AGAP1: variants seen among roughly 807,000 people sequenced by gnomAD.
AGAP1 encodes the protein arf-GAP with GTPase, ANK repeat and PH domain-containing protein 1.
A neutral mutation model predicts 105.3 loss-of-function variants in AGAP1; 29 were observed. The ratio of observed to expected loss-of-function variants is 0.28; its 90% confidence interval spans 0.21 to 0.38. The LOEUF is 0.38. Among genes scored for constraint, AGAP1 ranks in the 10% least tolerant of loss-of-function variants. The pLI, the probability that AGAP1 is intolerant of heterozygous loss-of-function variation, is 1.00. For synonymous variants in AGAP1, 509 were observed against 485.9 expected (o/e 1.05, Z -0.63); for missense variants, 998 against 1,165.1 (o/e 0.86, Z 2.09).
chr2:235,853,976 T>G (rs546885293), intron 9 of AGAP1, among the ~76,000 whole-genome samples: 1 of 152,044 alleles, frequency 6.6e-6, no homozygotes, highest in South Asian at 2.1e-4. Flanking sequence ...AATTCCAAGT[T>G]TTTAATGAAG....
intron 16 of AGAP1, among the ~76,000 whole-genome samples, chr2:236,052,480 T>A (rs2125720186): frequency 6.6e-6 from 1 of 152,262 alleles, no homozygotes; most frequent in East Asian, 1.9e-4. Flanking sequence ...CCTGCACCCC[T>A]GATTAGGGCA....
chr2:235,648,865 T>C (rs191476069), intron 1 of AGAP1, among the ~76,000 whole-genome samples: 1 of 149,678 alleles, frequency 6.7e-6, no homozygotes, highest in East Asian at 2.0e-4. Context: ...CCAGTCTAAG[T>C]GACAAAGCGA....
chr2:235,925,174 G>A (rs774952616), intron 11 of AGAP1, among the ~76,000 whole-genome samples: 7 of 152,128 alleles, frequency 4.6e-5, no homozygotes, highest in South Asian at 2.1e-4. Flanking sequence ...GTATTTGCGC[G>A]TGACTTGAGG....
At position 235,879,329 on chromosome 2, in the gene AGAP1, C is replaced by T. The variant is rs1460525384; in HGVS notation, c.1051-4016C>T. On this transcript the variant is annotated intron_variant, in intron 9 of 17. Transcript: ENST00000304032. The surrounding 1 kb of genome is among the most constrained non-coding windows in gnomAD (Gnocchi z 5.0). Reference sequence around the variant, plus strand: ...CACAGCCATGACATGGCAAGCGGGGCAGCCAAGTGGCTCTTGGTCGCCACA... The same window carrying T: ...CACAGCCATGACATGGCAAGCGGGGTAGCCAAGTGGCTCTTGGTCGCCACA... Among the ~76,000 whole-genome samples, 2 of 152,196 alleles carry T rather than the reference C, an allele frequency of 1.3e-5. No individual in the cohort carries two copies. The highest frequency in any genetic ancestry group is 2.9e-5 in the Non-Finnish European group (2 of 68,030).
Position 236,092,511 on chromosome 2 carries a change from G to C in AGAP1, c.2115-27681G>C, listed in dbSNP as rs140432476. Among the ~76,000 whole-genome samples, 485 of 152,172 alleles carry C rather than the reference G, an allele frequency of 3.2e-3. 2 individuals carry two copies. The highest frequency in any genetic ancestry group is 4.5e-3 in the Non-Finnish European group (307 of 68,016). On this transcript the variant is annotated intron_variant, in intron 16 of 17. Transcript: ENST00000304032. The surrounding 1 kb of genome is among the most constrained non-coding windows in gnomAD (Gnocchi z 4.7). ...GGGTTCAAGCAATTCTCCTGCCTCAGCCTCCCGAGTAAGCTGGGATTACAG... is the reference window on the plus strand; with the variant it reads ...GGGTTCAAGCAATTCTCCTGCCTCACCCTCCCGAGTAAGCTGGGATTACAG...
At chr2:235,768,241 T>C (rs187011376) in intron 6 of AGAP1, among the ~76,000 whole-genome samples, 1 of 152,368 alleles carries the variant, frequency 6.6e-6, no homozygotes, top group East Asian at 1.9e-4. Context: ...TGAGAAATTG[T>C]AGCATCTCAT....
At position 235,889,630 on chromosome 2, in the gene AGAP1, A is replaced by G. The variant is rs989931146; in HGVS notation, c.1155+6181A>G. Reference sequence around the variant, plus strand: ...AGACCAGTAATCCCTAGTTCCTTTGACTTGCAGCTCAGCCTCACTCTGTCC... The same window carrying G: ...AGACCAGTAATCCCTAGTTCCTTTGGCTTGCAGCTCAGCCTCACTCTGTCC... On this transcript the variant is annotated intron_variant, in intron 10 of 17. Coordinates refer to ENST00000304032, the MANE Select transcript of AGAP1 (RefSeq NM_001037131.3). The surrounding 1 kb of genome is among the most constrained non-coding windows in gnomAD (Gnocchi z 4.6). Among the ~76,000 whole-genome samples the G allele has an allele frequency of 6.7e-6, 1 of 148,916 alleles. No homozygotes were observed. The highest frequency in any genetic ancestry group is 6.7e-5 in the Admixed American group (1 of 14,826).
chr2:235,882,324 G>T lies in AGAP1; in HGVS notation c.1051-1021G>T. ...GCTCTTCCTCCACATCACAACTGGGGTCTTAAGGATGACGAGGGCAGGAAA... is the reference window on the plus strand; with the variant it reads ...GCTCTTCCTCCACATCACAACTGGGTTCTTAAGGATGACGAGGGCAGGAAA... On this transcript the variant is annotated intron_variant, in intron 9 of 17. Coordinates refer to ENST00000304032, the MANE Select transcript of AGAP1 (RefSeq NM_001037131.3). This position sits in a 1 kb window ranked among gnomAD's most constrained non-coding sequence, Gnocchi z 4.6. 1 of 913,780 alleles carries T rather than the reference G, an allele frequency of 1.1e-6. No individual in the cohort carries two copies. The highest frequency in any genetic ancestry group is 1.7e-6 in the Non-Finnish European group (1 of 595,810). The allele number at this position is 913,780 out of a possible 1,614,324, so 56.6% of individuals were successfully genotyped here.
intron 1 of AGAP1, among the ~76,000 whole-genome samples, chr2:235,526,515 A>G (rs1423163653): frequency 1.3e-5 from 2 of 152,256 alleles, no homozygotes; most frequent in Non-Finnish European, 2.9e-5. Context: ...ATCATTTGAA[A>G]TTATAGACTA....
chr2:235,511,463 C>G (rs577086825), intron 1 of AGAP1, among the ~76,000 whole-genome samples: 7 of 152,222 alleles, frequency 4.6e-5, no homozygotes, highest in African/African-American at 1.7e-4. Context: ...AAACCGGCTT[C>G]TCTGTGGGGA....
chr2:235,824,742 C>T lies in AGAP1; in HGVS notation c.1050+17411C>T, dbSNP rs376191186. Among the ~76,000 whole-genome samples, 5 of 152,066 alleles carry T rather than the reference C, an allele frequency of 3.3e-5. No homozygotes were observed. Among genetic ancestry groups the T allele is most frequent in the Middle Eastern group, 3.2e-3 (1 of 316 alleles). On this transcript the variant is annotated intron_variant, in intron 9 of 17. Transcript: ENST00000304032. The surrounding 1 kb of genome is among the most constrained non-coding windows in gnomAD (Gnocchi z 5.2). ...AGATGAGATGTGCCCTTATATGAGA[C>T]GGCCTGCATTCTTTCGCGGTACCAA...
chr2:236,056,249 G>A lies in AGAP1; in HGVS notation c.2114+6968G>A, dbSNP rs926676685. Among the ~76,000 whole-genome samples, 5 of 152,106 alleles carry A rather than the reference G, an allele frequency of 3.3e-5. No homozygotes were observed. Among genetic ancestry groups the A allele is most frequent in the African/African-American group, 4.8e-5 (2 of 41,414 alleles). On this transcript the variant is annotated intron_variant, in intron 16 of 17. Transcript: ENST00000304032. The surrounding 1 kb of genome is among the most constrained non-coding windows in gnomAD (Gnocchi z 4.6). ...AATGGTGCTCTCGGTTTATCATGCCGCCTGCCACACAGGAACCCCAGTTAT... is the reference window on the plus strand; with the variant it reads ...AATGGTGCTCTCGGTTTATCATGCCACCTGCCACACAGGAACCCCAGTTAT...
Position 235,957,732 on chromosome 2 carries a change from C to T in AGAP1, c.1484-10730C>T, listed in dbSNP as rs1245755079. On this transcript the variant is annotated intron_variant, in intron 12 of 17. Transcript: ENST00000304032. The surrounding 1 kb of genome is among the most constrained non-coding windows in gnomAD (Gnocchi z 4.6). ...ACATCTCTGTAAGCTTCAGAAAGAACAGAGCCCTTATTAAAGATCCAAATT... is the reference window on the plus strand; with the variant it reads ...ACATCTCTGTAAGCTTCAGAAAGAATAGAGCCCTTATTAAAGATCCAAATT... 6.6e-6 allele frequency among the ~76,000 whole-genome samples: 1 copy of T among 152,180 alleles called. No homozygotes were observed. The highest frequency in any genetic ancestry group is 1.5e-5 in the Non-Finnish European group (1 of 68,032).
At chr2:235,605,812 G>A (rs1409437619) in intron 1 of AGAP1, among the ~76,000 whole-genome samples, 14 of 152,310 alleles carry the variant, frequency 9.2e-5, no homozygotes, top group South Asian at 2.1e-4. Flanking sequence ...GCGCAGATCC[G>A]ATGAGTATAG....
chr2:235,531,836 T>C (rs901461410), intron 1 of AGAP1, among the ~76,000 whole-genome samples: 2 of 147,900 alleles, frequency 1.4e-5, no homozygotes, highest in African/African-American at 5.1e-5. Flanking sequence ...GGTCTCGAAC[T>C]CCTGACCTTC....
chr2:235,821,465 G>C (rs998830582), intron 9 of AGAP1, among the ~76,000 whole-genome samples: 9 of 149,662 alleles, frequency 6.0e-5, no homozygotes, highest in African/African-American at 2.2e-4. Context: ...CTCACTGCAA[G>C]CTCTGCCTCC....
intron 9 of AGAP1, among the ~76,000 whole-genome samples, chr2:235,812,034 C>T (rs1369905305): frequency 2.0e-5 from 3 of 152,176 alleles, no homozygotes; most frequent in Non-Finnish European, 2.9e-5. Flanking sequence ...CTGGTCCGTC[C>T]TCTGCGATGC....
At chr2:235,779,300 C>A (rs764953221) in intron 6 of AGAP1, among the ~76,000 whole-genome samples, 3 of 152,168 alleles carry the variant, frequency 2.0e-5, no homozygotes, top group Non-Finnish European at 2.9e-5. Context: ...AGTCTCCAAC[C>A]TAACGATTTA....
rs76537101 is a variant in AGAP1, at chr2:236,042,646, T to C, written c.1891+1805T>C. 1.1e-3 allele frequency among the ~76,000 whole-genome samples: 162 copies of C among 152,264 alleles called. No individual in the cohort carries two copies. Among genetic ancestry groups the C allele is most frequent in the Admixed American group, 2.3e-3 (35 of 15,302 alleles). On this transcript the variant is annotated intron_variant, in intron 15 of 17. Transcript: ENST00000304032. The surrounding 1 kb of genome is among the most constrained non-coding windows in gnomAD (Gnocchi z 5.6). ...AGCCATCCGTGGCTTGCGGGGACCATGATACCTGGCAAATCGGAGGTCGCA... is the reference window on the plus strand; with the variant it reads ...AGCCATCCGTGGCTTGCGGGGACCACGATACCTGGCAAATCGGAGGTCGCA...
Sources: allele counts gnomAD v4.1 joint callset (sites outside exome capture counted in the v4.1 genomes callset), GRCh38; gene constraint gnomAD v4.1.1; non-coding constraint Gnocchi (gnomAD v3.1); transcripts MANE v1.5; gene names NCBI Gene and HGNC (gene_info 2026-07-23, HGNC 2026-07-21).